The following NALF1 variants were observed in gnomAD, a reference collection of about 807,000 sequenced individuals.
The protein encoded by NALF1 is NALCN channel auxiliary factor 1.
Under a neutral mutation model 48.4 loss-of-function variants are expected in NALF1, and 3 were observed. The ratio of observed to expected loss-of-function variants is 0.06; its 90% CI spans 0.03 to 0.16. The LOEUF (loss-of-function observed/expected upper bound fraction) is 0.16. Among genes scored for constraint, NALF1 ranks in the 10% least tolerant of loss-of-function variants. The pLI is 1.00. For missense variants in NALF1, 526 were observed against 571.5 expected (o/e 0.92, Z 0.81); for synonymous variants, 262 against 245.7 (o/e 1.07, Z -0.62).
intron 1 of NALF1, among the ~76,000 whole-genome samples, chr13:107,862,553 G>T (rs916217487): frequency 2.0e-5 from 3 of 151,824 alleles, no homozygotes; most frequent in African/African-American, 7.3e-5. Flanking sequence ...AACATCTCGT[G>T]TTCTTTATTT....
chr13:107,500,655 G>A (rs28417063), intron 1 of NALF1, among the ~76,000 whole-genome samples: 6 of 149,596 alleles, frequency 4.0e-5, no homozygotes, highest in Admixed American at 1.3e-4. Flanking sequence ...ACATGCACAC[G>A]TATGTTTATT....
chr13:107,469,004 T>C (rs1349860947), intron 1 of NALF1, among the ~76,000 whole-genome samples: 1 of 152,182 alleles, frequency 6.6e-6, no homozygotes, highest in Non-Finnish European at 1.5e-5. Context: ...AATAAAATTT[T>C]TGCCATAAAA....
chr13:107,831,205 A>C (rs1188782410), intron 1 of NALF1, among the ~76,000 whole-genome samples: 4 of 152,240 alleles, frequency 2.6e-5, no homozygotes, highest in Non-Finnish European at 5.9e-5. Flanking sequence ...CCTGAAAAAC[A>C]GACAGTTTAA....
chr13:107,216,352 G>A (rs1173207038), intron 1 of NALF1, among the ~76,000 whole-genome samples: 1 of 152,198 alleles, frequency 6.6e-6, no homozygotes, highest in African/African-American at 2.4e-5. Context: ...TGCTATGTCT[G>A]TGTCAGTGTC....
intron 1 of NALF1, among the ~76,000 whole-genome samples, chr13:107,850,713 G>A (rs1393252197): frequency 6.6e-6 from 1 of 152,078 alleles, no homozygotes; most frequent in Non-Finnish European, 1.5e-5. Flanking sequence ...TACCAGCCTG[G>A]CCAACATGGT....
intron 1 of NALF1, among the ~76,000 whole-genome samples, chr13:107,572,801 T>C (rs886091807): frequency 3.9e-5 from 6 of 152,230 alleles, no homozygotes; most frequent in Non-Finnish European, 7.3e-5. Context: ...TTCATTTTTA[T>C]GTTAATTTAT....
At chr13:107,245,102 C>T (rs1330949109) in intron 1 of NALF1, among the ~76,000 whole-genome samples, 1 of 152,118 alleles carries the variant, frequency 6.6e-6, no homozygotes, top group Non-Finnish European at 1.5e-5. Context: ...AAAGATGCAT[C>T]CACAGTGCCC....
At chr13:107,713,244 C>T (rs1312490037) in intron 1 of NALF1, among the ~76,000 whole-genome samples, 2 of 152,212 alleles carry the variant, frequency 1.3e-5, no homozygotes, top group African/African-American at 4.8e-5. Flanking sequence ...GGATTATCCT[C>T]TGCAGGAAAT....
chr13:107,744,579 T>C (rs1019061231), intron 1 of NALF1, among the ~76,000 whole-genome samples: 5 of 152,216 alleles, frequency 3.3e-5, no homozygotes, highest in African/African-American at 1.2e-4. Context: ...CCTGAATCTA[T>C]AGAAATCATG....
chr13:107,818,844 C>T (rs1190706389), intron 1 of NALF1, among the ~76,000 whole-genome samples: 3 of 116,652 alleles, frequency 2.6e-5, no homozygotes, highest in East Asian at 7.0e-4. Context: ...TGCACTCCAG[C>T]CTGGGCGACA....
rs1045387898 is a variant in NALF1, at chr13:107,804,197, T to C, written c.915+61485A>G. Among the ~76,000 whole-genome samples the C allele has an allele frequency of 5.9e-5, 9 of 152,328 alleles. No homozygotes were observed. The South Asian group carries it at 1.9e-3, about 32-fold the overall frequency. On this transcript the variant is annotated intron_variant, in intron 1 of 2. Coordinates refer to ENST00000375915, the MANE Select transcript of NALF1 (RefSeq NM_001080396.3). ...TCCACCTTGATCCAAGCAGGTATCC[T>C]TCCTGAAAGGCGCAATTTGTCTTCA...
chr13:107,756,205 G>A lies in NALF1; in HGVS notation c.915+109477C>T, dbSNP rs148990209. On this transcript the variant is annotated intron_variant, in intron 1 of 2. Transcript: ENST00000375915. The stretch of plus-strand genomic sequence containing the variant: ...AGGGCTCTCACATCCCAAAGATAAC[G>A]GCAATGTTTCAAAACCAAATGTTAA... 3.3e-5 allele frequency among the ~76,000 whole-genome samples: 5 copies of A among 152,094 alleles called. No homozygotes were observed. The East Asian group carries it at 7.7e-4, about 24-fold the overall frequency.
intron 1 of NALF1, among the ~76,000 whole-genome samples, chr13:107,244,842 A>T (rs1408568): frequency 0.15 from 22,691 of 152,082 alleles, 2,262 homozygotes; most frequent in East Asian, 0.41. Flanking sequence ...TTGCCTACTA[A>T]TTTTTTTAGC....
At chr13:107,315,371 C>T (rs1882126461) in intron 1 of NALF1, among the ~76,000 whole-genome samples, 1 of 152,056 alleles carries the variant, frequency 6.6e-6, no homozygotes, top group Non-Finnish European at 1.5e-5. Context: ...GCCAAACTCA[C>T]TTTGTTAAAA....
chr13:107,285,947 A>G (rs1594104396), intron 1 of NALF1, among the ~76,000 whole-genome samples: 1 of 152,194 alleles, frequency 6.6e-6, no homozygotes, highest in African/African-American at 2.4e-5. Flanking sequence ...GCATTCTGGG[A>G]GTCCAAAATG....
chr13:107,622,642 T>C (rs1458956505), intron 1 of NALF1, among the ~76,000 whole-genome samples: 1 of 152,156 alleles, frequency 6.6e-6, no homozygotes, highest in African/African-American at 2.4e-5. Flanking sequence ...GGCTTGCAAA[T>C]CATTCTGCTC....
chr13:107,186,728 T>A (rs964720905), intron 2 of NALF1, among the ~76,000 whole-genome samples: 1 of 152,214 alleles, frequency 6.6e-6, no homozygotes, highest in Admixed American at 6.5e-5. Context: ...ACAATCTGTA[T>A]TCATTTTCCC....
intron 1 of NALF1, among the ~76,000 whole-genome samples, chr13:107,584,896 T>C (rs761449536): frequency 1.2e-3 from 182 of 152,284 alleles, no homozygotes; most frequent in East Asian, 1.9e-4. Context: ...ATTATCATCA[T>C]CATCATCACT....
chr13:107,501,889 T>C (rs185779181), intron 1 of NALF1, among the ~76,000 whole-genome samples: 1 of 152,278 alleles, frequency 6.6e-6, no homozygotes, highest in East Asian at 1.9e-4. Context: ...GGTAAACAAA[T>C]GAAAAACGAT....
Sources: allele counts gnomAD v4.1 joint callset (sites outside exome capture counted in the v4.1 genomes callset), GRCh38; gene constraint gnomAD v4.1.1; transcripts MANE v1.5; gene names NCBI Gene and HGNC (gene_info 2026-07-23, HGNC 2026-07-21).